PRKG1: variants seen among roughly 807,000 people sequenced by gnomAD.
PRKG1 encodes the protein cGMP-dependent protein kinase 1.
PRKG1 carries 35 observed loss-of-function variants against 88.1 expected under a neutral mutation model. The ratio of observed to expected loss-of-function variants is 0.40; its 90% CI spans 0.30 to 0.53. The LOEUF (loss-of-function observed/expected upper bound fraction) is 0.53, where lower values mean the gene tolerates loss of function less well. PRKG1 is among the 20% of genes least tolerant of loss of function. PRKG1 has a pLI of 0.59. For synonymous variants in PRKG1, 303 were observed against 292.5 expected, an observed-to-expected ratio of 1.04 and a Z score of -0.37; for missense variants, 540 against 839.8, an observed-to-expected ratio of 0.64 and a Z score of 4.41.
chr10:51,741,531 A>G (rs1409251697), intron 3 of PRKG1, among the ~76,000 whole-genome samples: 1 of 152,114 alleles, frequency 6.6e-6, no homozygotes, highest in South Asian at 2.1e-4. Flanking sequence ...GAAGATGGGC[A>G]TTGTTGGGGA....
intron 1 of PRKG1, among the ~76,000 whole-genome samples, chr10:51,019,441 A>G (rs1459574422): frequency 6.6e-6 from 1 of 152,162 alleles, no homozygotes; most frequent in Non-Finnish European, 1.5e-5. Flanking sequence ...TTGGATATCC[A>G]CATGCCAAAC....
intron 4 of PRKG1, among the ~76,000 whole-genome samples, chr10:51,880,517 G>A (rs1180578983): frequency 6.6e-6 from 1 of 152,160 alleles, no homozygotes; most frequent in Non-Finnish European, 1.5e-5. Flanking sequence ...CTGGTTTCCT[G>A]TGGGGAATAA....
chr10:51,709,878 C>T (rs945801070), intron 3 of PRKG1, among the ~76,000 whole-genome samples: 4 of 152,160 alleles, frequency 2.6e-5, no homozygotes, highest in South Asian at 4.2e-4. Flanking sequence ...GTGTTTGCAT[C>T]CCCACCAGGA....
chr10:52,014,618 T>G (rs1844988096), intron 5 of PRKG1, among the ~76,000 whole-genome samples: 1 of 152,208 alleles, frequency 6.6e-6, no homozygotes, highest in African/African-American at 2.4e-5. Context: ...CTTAACTCTT[T>G]CCAGCGTTAA....
chr10:51,938,474 G>T (rs1449854027), intron 5 of PRKG1, among the ~76,000 whole-genome samples: 1 of 151,960 alleles, frequency 6.6e-6, no homozygotes, highest in Non-Finnish European at 1.5e-5. Context: ...TTTAGAGCAA[G>T]GTGGAAAGAC....
chr10:51,648,553 C>T (rs1489624890), intron 3 of PRKG1, among the ~76,000 whole-genome samples: 2 of 152,028 alleles, frequency 1.3e-5, no homozygotes, highest in African/African-American at 4.8e-5. Flanking sequence ...TTCCTGTAAA[C>T]AGAAAGAAGG....
intron 8 of PRKG1, among the ~76,000 whole-genome samples, chr10:52,150,153 A>AATAATAAT (rs1382691083): frequency 2.9e-4 from 20 of 69,712 alleles, no homozygotes; most frequent in South Asian, 1.4e-3. Flanking sequence ...ATCTCAAAAT[A>AATAATAAT]ATAATAATAA....
intron 2 of PRKG1, among the ~76,000 whole-genome samples, chr10:51,416,728 A>G (rs904653265): frequency 1.3e-5 from 2 of 152,168 alleles, no homozygotes; most frequent in African/African-American, 2.4e-5. Context: ...AAAGAGGGTC[A>G]CGTACATTTG....
At chr10:51,233,881 C>T (rs1245323987) in intron 2 of PRKG1, among the ~76,000 whole-genome samples, 1 of 152,052 alleles carries the variant, frequency 6.6e-6, no homozygotes, top group East Asian at 1.9e-4. Context: ...TGAATTTGCC[C>T]TGTGACTCTC....
rs1842785603 is a variant in PRKG1 at position 50,991,772 on chromosome 10, G to A, written c.266+128G>A. On this transcript the variant is annotated intron_variant, in intron 1 of 17. Transcript: ENST00000401604. The surrounding 1 kb of genome is among the most constrained non-coding windows in gnomAD (Gnocchi z 4.5). ...CTGCTCGCTGCGGCGCGCGGAGTGG[G>A]GGTGGCCCCGCGGCCCGGGAATGGG... The A allele has an allele frequency of 3.1e-6, 2 of 651,090 alleles. No homozygotes were observed. The highest frequency in any genetic ancestry group is 7.6e-4 in the Middle Eastern group (1 of 1,322). 40.3% of individuals were successfully genotyped at this position (651,090 alleles called of 1,614,324 possible).
intron 9 of PRKG1, among the ~76,000 whole-genome samples, chr10:52,233,959 G>A (rs1403213757): frequency 6.6e-6 from 1 of 152,066 alleles, no homozygotes; most frequent in African/African-American, 2.4e-5. Context: ...GCACGCAGCT[G>A]GAGATCTGAG....
At chr10:52,078,326 T>TA (rs1846684684) in intron 7 of PRKG1, among the ~76,000 whole-genome samples, 1 of 152,236 alleles carries the variant, frequency 6.6e-6, no homozygotes, top group Admixed American at 6.5e-5. Context: ...TAATTATTTT[T>TA]AAAATAATCA....
chr10:52,154,290 A>G (rs1393890031), intron 8 of PRKG1, among the ~76,000 whole-genome samples: 1 of 152,142 alleles, frequency 6.6e-6, no homozygotes. Flanking sequence ...AATGTTTCTC[A>G]CCTTATGGAT....
intron 1 of PRKG1, among the ~76,000 whole-genome samples, chr10:51,140,588 CAT>C (rs1408459699): frequency 2.6e-5 from 4 of 152,128 alleles, no homozygotes; most frequent in South Asian, 2.1e-4. Context: ...GGTGAGATAA[CAT>C]GTGCAAAAAT....
At chr10:51,216,533 G>A (rs1358735186) in intron 2 of PRKG1, among the ~76,000 whole-genome samples, 4 of 151,668 alleles carry the variant, frequency 2.6e-5, no homozygotes, top group African/African-American at 9.7e-5. Context: ...GAATATAACC[G>A]TTTCAGGACA....
intron 8 of PRKG1, among the ~76,000 whole-genome samples, chr10:52,141,704 T>C (rs1423996449): frequency 2.0e-5 from 3 of 152,184 alleles, no homozygotes; most frequent in Non-Finnish European, 4.4e-5. Context: ...TTTAATATGC[T>C]GGTGGGCCAT....
At chr10:51,523,070 C>T (rs764254510) in intron 3 of PRKG1, among the ~76,000 whole-genome samples, 45 of 152,114 alleles carry the variant, frequency 3.0e-4, no homozygotes, top group Admixed American at 5.2e-4. Context: ...AGGATTTCTT[C>T]AGATTATGCA....
At chr10:51,594,293 A>T (rs568349986) in intron 3 of PRKG1, among the ~76,000 whole-genome samples, 4 of 152,268 alleles carry the variant, frequency 2.6e-5, no homozygotes, top group African/African-American at 9.6e-5. Flanking sequence ...CTCTAAAAGC[A>T]CTGGGATTAC....
chr10:52,036,744 AG>A (rs1474899138), intron 5 of PRKG1, among the ~76,000 whole-genome samples: 1 of 152,158 alleles, frequency 6.6e-6, no homozygotes, highest in Non-Finnish European at 1.5e-5. Context: ...CAGCCTAATA[AG>A]GGAACTGGGC....
Sources: gnomAD v4.1 joint callset for allele counts (sites outside exome capture counted in the v4.1 genomes callset) on GRCh38, gnomAD v4.1.1 for gene constraint, Gnocchi (gnomAD v3.1) non-coding constraint, MANE v1.5 for transcripts, NCBI Gene and HGNC (gene_info 2026-07-23, HGNC 2026-07-21) for gene names.